The following C1orf21 variants were observed in gnomAD, a reference collection of about 807,000 sequenced individuals.
The protein encoded by C1orf21 is chromosome 1 open reading frame 21.
A neutral mutation model predicts 18.7 loss-of-function variants in C1orf21; 3 were observed. The ratio of observed to expected loss-of-function variants is 0.16; its 90% CI spans 0.07 to 0.42. The LOEUF (loss-of-function observed/expected upper bound fraction) is 0.42. Ranked by LOEUF, C1orf21 falls within the 10% of genes least tolerant of loss-of-function variation. The pLI is 0.99. For missense variants in C1orf21, 104 were observed against 143.6 expected, an observed-to-expected ratio of 0.72 and a Z score of 1.41; for synonymous variants, 41 against 46.4, an observed-to-expected ratio of 0.88 and a Z score of 0.47.
At chr1:184,542,894 G>A (rs1317421461) in intron 3 of C1orf21, among the ~76,000 whole-genome samples, 1 of 152,162 alleles carries the variant, frequency 6.6e-6, no homozygotes, top group South Asian at 2.1e-4. Flanking sequence ...TTATCCTAAG[G>A]GAGGAAAGAA....
intron 3 of C1orf21, among the ~76,000 whole-genome samples, chr1:184,557,437 T>C (rs1658895208): frequency 6.6e-6 from 1 of 152,200 alleles, no homozygotes; most frequent in South Asian, 2.1e-4. Flanking sequence ...AAGTCCATTG[T>C]ATCATTCCCA....
At chr1:184,454,734 A>G (rs1557976378) in intron 1 of C1orf21, among the ~76,000 whole-genome samples, 1 of 152,066 alleles carries the variant, frequency 6.6e-6, no homozygotes, top group Non-Finnish European at 1.5e-5. Context: ...CCATAGTTGT[A>G]AGCTTCCTGA....
intron 3 of C1orf21, 142 bp from the exon 4 acceptor site, chr1:184,590,597 C>T: frequency 1.4e-6 from 1 of 697,250 alleles, no homozygotes; most frequent in Non-Finnish European, 2.5e-6. Context: ...GTCATCTTTG[C>T]AAGGACTTTT....
intron 3 of C1orf21, among the ~76,000 whole-genome samples, chr1:184,518,743 G>T (rs1306018738): frequency 1.3e-5 from 2 of 151,938 alleles, no homozygotes; most frequent in African/African-American, 4.8e-5. Context: ...TGCCATTTAG[G>T]CATAATATAG....
chr1:184,547,077 A>G lies in C1orf21; in HGVS notation c.189+39395A>G, dbSNP rs139645186. 3.3e-4 allele frequency among the ~76,000 whole-genome samples: 48 copies of G among 146,546 alleles called. No homozygotes were observed. The East Asian group carries it at 8.4e-3, about 26-fold the overall frequency. On this transcript the variant is annotated intron_variant, in intron 3 of 5. Coordinates refer to ENST00000235307, the MANE Select transcript of C1orf21 (RefSeq NM_030806.4). ...ACCATCAAGAGCCTTTCAGGCAGAT[A>G]AAACTGCAGTTAAAAGTCACCAAAG... is the stretch of plus-strand genomic sequence containing the variant.
chr1:184,421,161 C>T (rs1571350047), intron 1 of C1orf21, among the ~76,000 whole-genome samples: 1 of 152,218 alleles, frequency 6.6e-6, no homozygotes, highest in East Asian at 1.9e-4. Flanking sequence ...GGGTCTTACT[C>T]TGTCACCCAG....
At chr1:184,544,042 C>T (rs535323482) in intron 3 of C1orf21, among the ~76,000 whole-genome samples, 38 of 152,238 alleles carry the variant, frequency 2.5e-4, no homozygotes, top group Admixed American at 1.1e-3. Flanking sequence ...AGTTTGTTAT[C>T]GAACTTCTGG....
In C1orf21 at chr1:184,387,891, G is replaced by A. The variant is rs895040484; in HGVS notation, c.-125+523G>A. Among the ~76,000 whole-genome samples, 1 of 152,198 alleles carries A rather than the reference G, an allele frequency of 6.6e-6. No homozygotes were observed. The highest frequency in any genetic ancestry group is 2.4e-5 in the African/African-American group (1 of 41,450). Reference sequence around the variant, plus strand: ...TGTTTGTGTGGGTGGTTTGACCCCCGGGATTTCTGAAGTTTTGACCTTTTT... The same window carrying A: ...TGTTTGTGTGGGTGGTTTGACCCCCAGGATTTCTGAAGTTTTGACCTTTTT... On this transcript the variant is annotated intron_variant, in intron 1 of 5. Coordinates refer to ENST00000235307, the MANE Select transcript of C1orf21 (RefSeq NM_030806.4). This position sits in a 1 kb window ranked among gnomAD's most constrained non-coding sequence, Gnocchi z 5.6.
At chr1:184,392,481 A>G (rs1557960400) in intron 1 of C1orf21, among the ~76,000 whole-genome samples, 1 of 152,204 alleles carries the variant, frequency 6.6e-6, no homozygotes. Context: ...GAAATTACGT[A>G]TTGGGCACAA....
chr1:184,628,224 G>T lies in C1orf21; in HGVS notation c.*8668G>T, dbSNP rs1283341641. On this transcript the variant is annotated 3_prime_UTR_variant, in exon 6 of 6. Transcript: ENST00000235307. The stretch of plus-strand genomic sequence containing the variant: ...GCCCCCATCTGTTTCAATTACACAT[G>T]CCTGTCAGCAAAAACTTCGTGAGAT... 6.6e-6 allele frequency: 1 copy of T among 152,088 alleles called. No individual in the cohort carries two copies. Among genetic ancestry groups the T allele is most frequent in the East Asian group, 1.9e-4 (1 of 5,192 alleles). 9.4% of individuals were successfully genotyped at this position (152,088 alleles called of 1,614,324 possible). A position where few individuals can be genotyped will look rare whatever the true frequency, so the allele number is the denominator to read the frequency against.
At chr1:184,524,184 T>G (rs756101157) in intron 3 of C1orf21, among the ~76,000 whole-genome samples, 3 of 152,188 alleles carry the variant, frequency 2.0e-5, no homozygotes, top group African/African-American at 4.8e-5. Context: ...CTTGTCTGTT[T>G]TATTCAGGAC....
At chr1:184,596,532 G>A (rs1254177798) in intron 4 of C1orf21, among the ~76,000 whole-genome samples, 2 of 152,082 alleles carry the variant, frequency 1.3e-5, no homozygotes, top group African/African-American at 2.4e-5. Context: ...ACATTTCTGG[G>A]GCAACATATA....
chr1:184,499,591 G>A (rs1238114066), intron 2 of C1orf21, among the ~76,000 whole-genome samples: 1 of 152,010 alleles, frequency 6.6e-6, no homozygotes. Flanking sequence ...TTATGATTTG[G>A]AAATGTGTCC....
intron 3 of C1orf21, among the ~76,000 whole-genome samples, chr1:184,586,976 G>C (rs1192269598): frequency 6.6e-6 from 1 of 152,128 alleles, no homozygotes; most frequent in Non-Finnish European, 1.5e-5. Flanking sequence ...GTAAGGAAGG[G>C]GTCCAGTTTC....
At chr1:184,502,132 C>T (rs2101961273) in intron 2 of C1orf21, among the ~76,000 whole-genome samples, 1 of 149,190 alleles carries the variant, frequency 6.7e-6, no homozygotes, top group East Asian at 2.0e-4. Flanking sequence ...ATTTGTGCTG[C>T]TGTAACAAAA....
At chr1:184,491,737 C>T (rs557924823) in intron 2 of C1orf21, among the ~76,000 whole-genome samples, 1 of 152,114 alleles carries the variant, frequency 6.6e-6, no homozygotes, top group Non-Finnish European at 1.5e-5. Flanking sequence ...ATGACAGTGA[C>T]CTTCGGGGCT....
intron 5 of C1orf21, among the ~76,000 whole-genome samples, chr1:184,605,133 T>A (rs1203768001): frequency 6.6e-6 from 1 of 152,186 alleles, no homozygotes; most frequent in East Asian, 1.9e-4. Context: ...TTGGTGTGTC[T>A]CATTCCCTTG....
chr1:184,418,245 G>A (rs977900108), intron 1 of C1orf21, among the ~76,000 whole-genome samples: 1 of 152,014 alleles, frequency 6.6e-6, no homozygotes, highest in Non-Finnish European at 1.5e-5. Flanking sequence ...TGGAGATAGG[G>A]TCTTACTCTG....
chr1:184,582,887 G>A (rs1659295357), intron 3 of C1orf21, among the ~76,000 whole-genome samples: 1 of 152,146 alleles, frequency 6.6e-6, no homozygotes, highest in Non-Finnish European at 1.5e-5. Flanking sequence ...CACCCAGACT[G>A]GAGTGCAAGG....
Sources: allele counts gnomAD v4.1 joint callset (sites outside exome capture counted in the v4.1 genomes callset), GRCh38; gene constraint gnomAD v4.1.1; non-coding constraint Gnocchi (gnomAD v3.1); transcripts MANE v1.5; gene names NCBI Gene and HGNC (gene_info 2026-07-23, HGNC 2026-07-21).